Variants in SLC5A12 observed in about 807,000 individuals in gnomAD.
The protein encoded by SLC5A12 is solute carrier family 5 member 12, also known as sodium-coupled monocarboxylate transporter 2.
A neutral mutation model predicts 72.7 loss-of-function variants in SLC5A12; 46 were observed. The observed-to-expected ratio is 0.63, with a 90% CI of 0.50 to 0.81. The LOEUF (loss-of-function observed/expected upper bound fraction) is 0.81. Ranked by LOEUF, SLC5A12 falls within the 30% of genes least tolerant of loss-of-function variation. The pLI is 0.00. For missense variants in SLC5A12, 683 were observed against 740.7 expected (o/e 0.92, Z 0.90); for synonymous variants, 275 against 264.4 (o/e 1.04, Z -0.39).
chr11:26,703,147 C>T (rs946101799), intron 6 of SLC5A12, among the ~76,000 whole-genome samples: 2 of 152,034 alleles, frequency 1.3e-5, no homozygotes, highest in African/African-American at 4.8e-5. Flanking sequence ...TACCTTTTAA[C>T]CCATGAAAAG....
intron 13 of SLC5A12, among the ~76,000 whole-genome samples, chr11:26,674,485 C>T (rs1207106991): frequency 3.3e-5 from 5 of 152,126 alleles, no homozygotes; most frequent in Non-Finnish European, 5.9e-5. Context: ...ATGCAACCTC[C>T]GTCTCCCGGG....
At chr11:26,694,510 A>G (rs1283946038) in intron 8 of SLC5A12, among the ~76,000 whole-genome samples, 1 of 152,158 alleles carries the variant, frequency 6.6e-6, no homozygotes, top group Admixed American at 6.5e-5. Context: ...GGTGCTCATT[A>G]TCTCTGTCCT....
At position 26,696,468 on chromosome 11, in the gene SLC5A12, G is replaced by A. The variant is rs1033409765; in HGVS notation, c.1040+696C>T. Among the ~76,000 whole-genome samples, 6 of 152,292 alleles carry A rather than the reference G, an allele frequency of 3.9e-5. No individual in the cohort carries two copies. The East Asian group carries it at 9.7e-4, about 25-fold the overall frequency. ...TTGGTTAATAGCAAGGCTGTGCTCTGAGAAAATGCATTGTTAGGTGATTTC... is the reference window on the plus strand; with the variant it reads ...TTGGTTAATAGCAAGGCTGTGCTCTAAGAAAATGCATTGTTAGGTGATTTC... On this transcript the variant is annotated intron_variant, in intron 8 of 14. Coordinates refer to ENST00000396005, the MANE Select transcript of SLC5A12 (RefSeq NM_178498.4).
Position 26,671,042 on chromosome 11 carries a change from G to A in SLC5A12, c.*60C>T. On this transcript the variant is annotated 3_prime_UTR_variant, in exon 15 of 15. Coordinates refer to ENST00000396005, the MANE Select transcript of SLC5A12 (RefSeq NM_178498.4). ...ACTAACAAGTAGGCAAGAAGTATGT[G>A]GAGTTTGTGTGTGTGTGTGTGTATT... 1 of 1,003,548 alleles carries A rather than the reference G, an allele frequency of 1.0e-6. No individual in the cohort carries two copies. The highest frequency in any genetic ancestry group is 1.4e-6 in the Non-Finnish European group (1 of 729,230). 62.2% of individuals were successfully genotyped at this position (1,003,548 alleles called of 1,614,324 possible). A position where few individuals can be genotyped will look rare whatever the true frequency, so the allele number is the denominator to read the frequency against.
intron 1 of SLC5A12, among the ~76,000 whole-genome samples, chr11:26,718,529 G>A (rs1014776239): frequency 6.6e-6 from 1 of 152,052 alleles, no homozygotes; most frequent in Non-Finnish European, 1.5e-5. Flanking sequence ...GATCTCGGCA[G>A]TTCACTGCAA....
At chr11:26,708,134 G>T (rs1855133304) in intron 4 of SLC5A12, among the ~76,000 whole-genome samples, 1 of 151,942 alleles carries the variant, frequency 6.6e-6, no homozygotes, top group African/African-American at 2.4e-5. Flanking sequence ...ATTTTAAATT[G>T]TTTTATATTA....
At position 26,668,708 on chromosome 11, in the gene SLC5A12, TG is replaced by T. The variant is rs1854056537; in HGVS notation, c.*2393del. On this transcript the variant is annotated 3_prime_UTR_variant, in exon 15 of 15. Transcript: ENST00000396005. Reference sequence around the variant, plus strand: ...TGCATGTTTGTTCAATTAAGAAGAATGGGGGGAGTCTCTACATTGACCTCTA... The same window carrying T: ...TGCATGTTTGTTCAATTAAGAAGAATGGGGGAGTCTCTACATTGACCTCTA... 6.6e-6 allele frequency: 1 copy of T among 151,986 alleles called. No individual in the cohort carries two copies. The highest frequency in any genetic ancestry group is 1.5e-5 in the Non-Finnish European group (1 of 67,964). 9.4% of individuals were successfully genotyped at this position (151,986 alleles called of 1,614,324 possible). A position where few individuals can be genotyped will look rare whatever the true frequency, so the allele number is the denominator to read the frequency against.
At chr11:26,685,669 C>T (rs540862065) in intron 10 of SLC5A12, among the ~76,000 whole-genome samples, 12 of 151,986 alleles carry the variant, frequency 7.9e-5, no homozygotes, top group Non-Finnish European at 1.3e-4. Context: ...CTGAGAGAAT[C>T]GGAGTAGAAT....
intron 8 of SLC5A12, among the ~76,000 whole-genome samples, chr11:26,696,586 G>A (rs932696699): frequency 1.3e-5 from 2 of 152,122 alleles, no homozygotes; most frequent in South Asian, 2.1e-4. Flanking sequence ...ATTGCTCCAC[G>A]GTTACAAACC....
At chr11:26,720,882 T>C (rs749246478) in intron 1 of SLC5A12, among the ~76,000 whole-genome samples, 12 of 152,204 alleles carry the variant, frequency 7.9e-5, no homozygotes, top group South Asian at 4.1e-4. Context: ...TGTATTAAAA[T>C]GCCCTCTACT....
Position 26,709,340 on chromosome 11 carries a change from C to A in SLC5A12, c.497G>T (p.Gly166Val). Reference protein sequence around the residue: ...FDLWGSVFATGIVCTFYCTLG... With the variant: ...FDLWGSVFATVIVCTFYCTLG... The stretch of plus-strand genomic sequence containing the variant: ...GGTACAGTAGAATGTGCAAACAATT[C>A]CTGTTGCAAACACAGAGCCCCAGAG... Residue 166 changes from glycine (G) to valine (V), a missense_variant, in exon 4 of 15, where the codon GGA (glycine) becomes GTA (valine). By Grantham distance (109) the Gly-to-Val change is moderately radical. Transcript: ENST00000396005. The A allele has an allele frequency of 6.2e-7, 1 of 1,611,626 alleles. No individual in the cohort carries two copies. The highest frequency in any genetic ancestry group is 8.5e-7 in the Non-Finnish European group (1 of 1,178,726).
chr11:26,678,649 G>C (rs916817825), intron 13 of SLC5A12, 63 bp downstream of exon 13: 39 of 1,187,512 alleles, frequency 3.3e-5, no homozygotes, highest in Non-Finnish European at 4.5e-5. Flanking sequence ...CAGACAGCCA[G>C]TCCACCAATG....
At chr11:26,675,598 C>T (rs960636274) in intron 13 of SLC5A12, among the ~76,000 whole-genome samples, 1 of 152,076 alleles carries the variant, frequency 6.6e-6, no homozygotes, top group Non-Finnish European at 1.5e-5. Context: ...GTAGGTTTAT[C>T]CTAAGGAAAA....
In SLC5A12 at chr11:26,692,479, C is replaced by G; in HGVS notation, c.1153+10G>C. On this transcript the variant is annotated intron_variant, in intron 9 of 14. Transcript: ENST00000396005. ...TGATATGGAATAGAAAGTCCACCAG[C>G]TGTACCTACATAAGCCTTTACTGAT... is the stretch of plus-strand genomic sequence containing the variant. The G allele has an allele frequency of 1.3e-6, 2 of 1,566,718 alleles. No individual in the cohort carries two copies. The highest frequency in any genetic ancestry group is 8.8e-7 in the Non-Finnish European group (1 of 1,136,712).
chr11:26,720,877 TAAA>T (rs1855464258), intron 1 of SLC5A12, among the ~76,000 whole-genome samples: 1 of 152,202 alleles, frequency 6.6e-6, no homozygotes, highest in Non-Finnish European at 1.5e-5. Flanking sequence ...TAATTTGTAT[TAAA>T]ATGCCCTCTA....
rs1325486985 is a variant in SLC5A12, at chr11:26,721,625, A to C, written c.90T>G (p.Ile30Met). The C allele has an allele frequency of 6.2e-7, 1 of 1,614,142 alleles. No individual in the cohort carries two copies. Among genetic ancestry groups the C allele is most frequent in the South Asian group, 1.1e-5 (1 of 91,080 alleles). ...GGGAAGTTGCCTTTTTTCTCTCCTT[A>C]ATGGCAAAGAACACCCCAATTCCAG... ...ISSGIGVFFA[I>M]KERKKATSRE... The change falls in exon 1 of 15, where the codon ATT becomes ATG. Residue 30 changes from isoleucine to methionine, a missense_variant. Coordinates refer to ENST00000396005, the MANE Select transcript of SLC5A12 (RefSeq NM_178498.4).
At chr11:26,711,507 C>G (rs929898522) in intron 2 of SLC5A12, 149 bp from the exon 3 acceptor site, 24 of 688,582 alleles carry the variant, frequency 3.5e-5, no homozygotes, top group Non-Finnish European at 5.8e-5. Flanking sequence ...TTTGAAGTTG[C>G]TCACCACTAT....
At chr11:26,688,477 CA>C (rs1854589433) in intron 9 of SLC5A12, among the ~76,000 whole-genome samples, 1 of 152,094 alleles carries the variant, frequency 6.6e-6, no homozygotes, top group Non-Finnish European at 1.5e-5. Context: ...AACATGTGGT[CA>C]ACATTCCTCT....
At chr11:26,686,590 G>T in intron 9 of SLC5A12, 46 bp from the exon 10 acceptor site, 1 of 1,551,896 alleles carries the variant, frequency 6.4e-7, no homozygotes, top group South Asian at 1.1e-5. Context: ...AGGGATTCCT[G>T]ACTTCAAGGG....
Sources: gnomAD v4.1 joint callset for allele counts (sites outside exome capture counted in the v4.1 genomes callset) on GRCh38, gnomAD v4.1.1 for gene constraint, MANE v1.5 for transcripts, NCBI Gene and HGNC (gene_info 2026-07-23, HGNC 2026-07-21) for gene names.